The following CLHC1 variants were observed in gnomAD, a reference collection of about 807,000 sequenced individuals.
The protein encoded by CLHC1 is clathrin heavy chain linker domain-containing protein 1.
In CLHC1, 72 loss-of-function variants were observed where a neutral mutation model predicts 69.5. The observed-to-expected ratio is 1.04, with a 90% CI of 0.86 to 1.26. The LOEUF (loss-of-function observed/expected upper bound fraction) is 1.26, where lower values mean the gene tolerates loss of function less well. Ranked by LOEUF, CLHC1 falls within the 50% of genes most tolerant of loss-of-function variation. The pLI, the probability that CLHC1 is intolerant of heterozygous loss-of-function variation, is 0.00. For missense variants in CLHC1, 790 were observed against 679.3 expected, an observed-to-expected ratio of 1.16 and a Z score of -1.81; for synonymous variants, 223 against 224.3, an observed-to-expected ratio of 0.99 and a Z score of 0.05.
rs1674900229 is a variant in CLHC1 at position 55,228,203 on chromosome 2, G to C, written c.-254C>G. On this transcript the variant is annotated splice_region_variant and 5_prime_UTR_variant, in exon 2 of 13. Coordinates refer to ENST00000401408, the MANE Select transcript of CLHC1 (RefSeq NM_152385.4). ...TGTTTATATTCTGTCTCATCTGTTA[G>C]GCTGTAAGCGTGACAAGATCAGGAA... The C allele has an allele frequency of 6.6e-6, 1 of 152,140 alleles. No individual in the cohort carries two copies. Among genetic ancestry groups the C allele is most frequent in the African/African-American group, 2.4e-5 (1 of 41,410 alleles). The allele number at this position is 152,140 out of a possible 1,614,324, so 9.4% of individuals were successfully genotyped here. A position where few individuals can be genotyped will look rare whatever the true frequency, so the allele number is the denominator to read the frequency against.
rs780242967 is a variant in CLHC1, at chr2:55,180,644, G to A, written c.1250C>T (p.Ala417Val). Residue 417 changes from alanine to valine, a missense_variant, in exon 11 of 13, where the codon GCC becomes GTC. Ala to Val is a moderately conservative substitution (Grantham distance 64). Coordinates refer to ENST00000401408, the MANE Select transcript of CLHC1 (RefSeq NM_152385.4). ...DYGEQDTYNK[A>V]KCLALAQIVY... Reference sequence around the variant, plus strand: ...AATCTGAGCTAAAGCCAGGCACTTGGCCTTGTTATAAGTATCCTGCTCCCC... The same window carrying A: ...AATCTGAGCTAAAGCCAGGCACTTGACCTTGTTATAAGTATCCTGCTCCCC... 2 of 1,613,956 alleles carry A rather than the reference G, an allele frequency of 1.2e-6. No individual in the cohort carries two copies. Among genetic ancestry groups the A allele is most frequent in the South Asian group, 2.2e-5 (2 of 91,088 alleles).
chr2:55,187,386 G>A (rs187580346), intron 9 of CLHC1, among the ~76,000 whole-genome samples: 1 of 152,258 alleles, frequency 6.6e-6, no homozygotes, highest in East Asian at 1.9e-4. Flanking sequence ...GCCAAGACAG[G>A]AAGATCACTT....
At chr2:55,176,589 A>G (rs1231872871) in intron 12 of CLHC1, among the ~76,000 whole-genome samples, 1 of 152,172 alleles carries the variant, frequency 6.6e-6, no homozygotes, top group East Asian at 1.9e-4. Context: ...TACTTTTAAA[A>G]ATATCTTAGT....
chr2:55,176,021 C>G lies in CLHC1; in HGVS notation c.1565-35G>C, dbSNP rs564328541. On this transcript the variant is annotated intron_variant, in intron 12 of 12. Transcript: ENST00000401408. Reference sequence around the variant, plus strand: ...AAAAATACAATATTATAGTATGGCACTTATTTGATAATCTATACTTTAGTG... The same window carrying G: ...AAAAATACAATATTATAGTATGGCAGTTATTTGATAATCTATACTTTAGTG... The G allele has an allele frequency of 2.6e-6, 4 of 1,511,238 alleles. No individual in the cohort carries two copies. In the African/African-American group the frequency reaches 4.1e-5, roughly 16 times the overall value. The allele number at this position is 1,511,238 out of a possible 1,614,324, so 93.6% of individuals were successfully genotyped here. A position where few individuals can be genotyped will look rare whatever the true frequency, so the allele number is the denominator to read the frequency against.
intron 2 of CLHC1, chr2:55,225,980 CAGG>C (rs1674654635): frequency 6.6e-6 from 1 of 152,142 alleles, no homozygotes; most frequent in Admixed American, 6.5e-5. Flanking sequence ...TTCACGAGGT[CAGG>C]AGATCGAGAC....
intron 9 of CLHC1, among the ~76,000 whole-genome samples, chr2:55,191,705 T>C (rs891630249): frequency 6.7e-6 from 1 of 150,344 alleles, no homozygotes; most frequent in Non-Finnish European, 1.5e-5. Flanking sequence ...ACAACCAAAA[T>C]AAGACAATAA....
intron 5 of CLHC1, among the ~76,000 whole-genome samples, chr2:55,210,954 A>G (rs1672937747): frequency 6.6e-6 from 1 of 152,144 alleles, no homozygotes; most frequent in Non-Finnish European, 1.5e-5. Flanking sequence ...TCAGCATTCC[A>G]AAGTGCTAGT....
At chr2:55,211,559 G>GATGATTATTC (rs1673016147) in intron 5 of CLHC1, among the ~76,000 whole-genome samples, 1 of 137,014 alleles carries the variant, frequency 7.3e-6, no homozygotes, top group Non-Finnish European at 1.6e-5. Context: ...TGAAACACAA[G>GATGATTATTC]ATGATTATTC....
At chr2:55,208,574 G>T in intron 8 of CLHC1, 52 bp downstream of exon 8, 5 of 1,146,496 alleles carry the variant, frequency 4.4e-6, no homozygotes, top group Non-Finnish European at 6.6e-6. Flanking sequence ...TATTCACAAA[G>T]AATCTATGAA....
chr2:55,182,616 A>G (rs986299085), intron 9 of CLHC1, among the ~76,000 whole-genome samples: 3 of 152,188 alleles, frequency 2.0e-5, no homozygotes, highest in African/African-American at 7.2e-5. Flanking sequence ...GAACTACTGG[A>G]TATGGATGTC....
Position 55,222,383 on chromosome 2 carries a change from G to A in CLHC1, c.29C>T (p.Ala10Val). 6.2e-7 allele frequency: 1 copy of A among 1,613,316 alleles called. No individual in the cohort carries two copies. The highest frequency in any genetic ancestry group is 8.5e-7 in the Non-Finnish European group (1 of 1,179,744). The change falls in exon 3 of 13, where the codon GCA becomes GTA. Residue 10 changes from alanine (A) to valine (V), a missense_variant. Coordinates refer to ENST00000401408, the MANE Select transcript of CLHC1 (RefSeq NM_152385.4). MSVHQIRKH[A>V]VLPPIICRSD... ...TCTACAAATGATAGGTGGGAGAACT[G>A]CATGTTTTCTTATTTGATGAACTGA...
intron 7 of CLHC1, 98 bp downstream of exon 7, chr2:55,209,306 C>T (rs1231393841): frequency 4.2e-6 from 3 of 707,200 alleles, no homozygotes; most frequent in African/African-American, 1.8e-5. Context: ...TATGATCTTG[C>T]TTTATTTAAA....
chr2:55,210,869 G>T (rs6716494), intron 5 of CLHC1, among the ~76,000 whole-genome samples: 108,665 of 151,200 alleles, frequency 0.72, 40,002 homozygotes, highest in Non-Finnish European at 0.8. Flanking sequence ...TATATATATA[G>T]AGAGAGAGAG....
Position 55,222,479 on chromosome 2 carries a change from A to G in CLHC1, c.-68T>C. 1 of 1,225,874 alleles carries G rather than the reference A, an allele frequency of 8.2e-7. No individual in the cohort carries two copies. Among genetic ancestry groups the G allele is most frequent in the South Asian group, 1.6e-5 (1 of 63,974 alleles). 75.9% of individuals were successfully genotyped at this position (1,225,874 alleles called of 1,614,324 possible). ...CTTGACCTGCTCTTGCAACAAAGCC[A>G]AAACTTTGATAAGCCTGAAAGAAAA... On this transcript the variant is annotated 5_prime_UTR_variant, in exon 3 of 13. Coordinates refer to ENST00000401408, the MANE Select transcript of CLHC1 (RefSeq NM_152385.4).
At chr2:55,219,766 G>T (rs934315922) in intron 3 of CLHC1, among the ~76,000 whole-genome samples, 1 of 152,028 alleles carries the variant, frequency 6.6e-6, no homozygotes, top group Admixed American at 6.6e-5. Context: ...CAGGTACAGG[G>T]GTCTAAGGAA....
chr2:55,229,150 CA>C (rs34823201), intron 1 of CLHC1, among the ~76,000 whole-genome samples: 1 of 108,254 alleles, frequency 9.2e-6, no homozygotes, highest in South Asian at 3.2e-4. Context: ...GATTCTGTCT[CA>C]AAAAAAAAAA....
chr2:55,229,727 A>C (rs1031274584), intron 1 of CLHC1, among the ~76,000 whole-genome samples: 1 of 152,204 alleles, frequency 6.6e-6, no homozygotes, highest in African/African-American at 2.4e-5. Context: ...TGAGATTCGA[A>C]GCCTTTAGAG....
chr2:55,199,053 T>C (rs193044683), intron 9 of CLHC1, among the ~76,000 whole-genome samples: 21 of 152,022 alleles, frequency 1.4e-4, no homozygotes, highest in Non-Finnish European at 2.4e-4. Context: ...TCCCAGCACT[T>C]TGGGAGACCG....
chr2:55,176,146 A>T (rs952353374), intron 12 of CLHC1, among the ~76,000 whole-genome samples, 160 bp from the exon 13 acceptor site: 3 of 144,804 alleles, frequency 2.1e-5, no homozygotes, highest in African/African-American at 7.5e-5. Flanking sequence ...TGCTCAGTCA[A>T]GCTCATGGTA....
Sources: gnomAD v4.1 joint callset for allele counts (sites outside exome capture counted in the v4.1 genomes callset) on GRCh38, gnomAD v4.1.1 for gene constraint, MANE v1.5 for transcripts, NCBI Gene and HGNC (gene_info 2026-07-23, HGNC 2026-07-21) for gene names.